The following FOXN3 variants were observed in gnomAD, a reference collection of about 807,000 sequenced individuals.
FOXN3 encodes forkhead box protein N3.
A neutral mutation model predicts 38.4 loss-of-function variants in FOXN3; 7 were observed. That is an observed-to-expected ratio of 0.18 (90% confidence interval 0.10 to 0.34). FOXN3 has a LOEUF of 0.34. Among genes scored for constraint, FOXN3 ranks in the 10% least tolerant of loss-of-function variants. FOXN3 has a pLI of 1.00. For synonymous variants in FOXN3, 230 were observed against 242.2 expected (o/e 0.95, Z 0.47); for missense variants, 456 against 613.4 (o/e 0.74, Z 2.71).
At chr14:89,342,799 G>A (rs1407546717) in intron 3 of FOXN3, among the ~76,000 whole-genome samples, 5 of 152,090 alleles carry the variant, frequency 3.3e-5, no homozygotes, top group Non-Finnish European at 7.4e-5. Context: ...AAAAAGTGCT[G>A]TTTAAACATA....
In FOXN3 at chr14:89,389,862, T is replaced by C. The variant is rs531890226; in HGVS notation, c.543+22072A>G. The stretch of plus-strand genomic sequence containing the variant: ...GCAGAGGGCTGGACTCAAGGAACAA[T>C]AAGGCTCTTTACAACTACAAAATGT... On this transcript the variant is annotated intron_variant, in intron 2 of 5. Coordinates refer to ENST00000557258, the MANE Select transcript of FOXN3 (RefSeq NM_005197.4). 6.6e-5 allele frequency among the ~76,000 whole-genome samples: 10 copies of C among 152,198 alleles called. No homozygotes were observed. In the South Asian group the frequency reaches 1.2e-3, roughly 19 times the overall value.
chr14:89,581,698 A>C (rs1462781596), intron 1 of FOXN3, among the ~76,000 whole-genome samples: 1 of 152,060 alleles, frequency 6.6e-6, no homozygotes, highest in Non-Finnish European at 1.5e-5. Context: ...GCTATCCCAG[A>C]GTTTGGCACA....
At chr14:89,462,895 AG>A (rs1892877172) in intron 1 of FOXN3, among the ~76,000 whole-genome samples, 1 of 148,978 alleles carries the variant, frequency 6.7e-6, no homozygotes, top group Admixed American at 6.7e-5. Flanking sequence ...CATGTTAGCC[AG>A]GATGGTCTCG....
At chr14:89,540,405 AT>A (rs2139847481) in intron 1 of FOXN3, among the ~76,000 whole-genome samples, 1 of 152,306 alleles carries the variant, frequency 6.6e-6, no homozygotes, top group East Asian at 1.9e-4. Flanking sequence ...AAAATCTCGC[AT>A]ATAAAGTTGG....
chr14:89,439,405 C>A (rs986559486), intron 1 of FOXN3, among the ~76,000 whole-genome samples: 2 of 152,132 alleles, frequency 1.3e-5, no homozygotes, highest in African/African-American at 4.8e-5. Flanking sequence ...ATTAAAGAAG[C>A]CGGCCAAAAC....
intron 3 of FOXN3, among the ~76,000 whole-genome samples, chr14:89,311,115 A>AAC (rs1276823029): frequency 6.6e-6 from 1 of 150,962 alleles, no homozygotes; most frequent in African/African-American, 2.4e-5. Context: ...TAAAAAAAAA[A>AAC]AAAAAACCTG....
At chr14:89,173,960 T>C in intron 5 of FOXN3, among the ~76,000 whole-genome samples, 1 of 152,110 alleles carries the variant, frequency 6.6e-6, no homozygotes, top group Non-Finnish European at 1.5e-5. Context: ...GCCACTGCAT[T>C]CTGGTGTGGG....
chr14:89,212,670 G>A (rs779726046), intron 4 of FOXN3, among the ~76,000 whole-genome samples: 5 of 152,120 alleles, frequency 3.3e-5, no homozygotes, highest in Non-Finnish European at 4.4e-5. Flanking sequence ...CCCTCCTTTG[G>A]CCCTTCCAAC....
intron 1 of FOXN3, among the ~76,000 whole-genome samples, chr14:89,414,932 TC>T (rs1321889418): frequency 1.3e-5 from 2 of 152,190 alleles, no homozygotes; most frequent in African/African-American, 4.8e-5. Context: ...CGTCTTGGGT[TC>T]ACTCACAGGG....
chr14:89,594,780 G>A (rs2139931190), intron 1 of FOXN3, among the ~76,000 whole-genome samples: 1 of 152,144 alleles, frequency 6.6e-6, no homozygotes, highest in South Asian at 2.1e-4. Flanking sequence ...CAGCTACTTG[G>A]GAGGCTGGAG....
At position 89,520,295 on chromosome 14, in the gene FOXN3, C is replaced by T. The variant is rs148945440; in HGVS notation, c.-15+98733G>A. The stretch of plus-strand genomic sequence containing the variant: ...ACCCAGGCTGGAGTGCAAGTTGGCG[C>T]GATCACAGCTCGCACTGCAGCCTTG... On this transcript the variant is annotated intron_variant, in intron 1 of 6. Coordinates refer to the FOXN3 transcript ENST00000345097. Among the ~76,000 whole-genome samples the T allele has an allele frequency of 8.0e-3, 1,218 of 152,220 alleles. 18 individuals are homozygous for T. The highest frequency in any genetic ancestry group is 0.023 in the African/African-American group (966 of 41,544).
chr14:89,433,307 C>T (rs141226744), intron 1 of FOXN3, among the ~76,000 whole-genome samples: 26,526 of 152,142 alleles, frequency 0.17, 2,871 homozygotes, highest in Middle Eastern at 0.3. Flanking sequence ...TCTGGTGAAA[C>T]CCCATCTCTA....
chr14:89,311,447 G>C (rs1335789306), intron 3 of FOXN3, among the ~76,000 whole-genome samples: 4 of 142,414 alleles, frequency 2.8e-5, no homozygotes, highest in Admixed American at 7.4e-5. Flanking sequence ...ACTCCAGCCT[G>C]GGCGACAAGG....
At chr14:89,389,673 A>G (rs1890882476) in intron 2 of FOXN3, among the ~76,000 whole-genome samples, 1 of 152,236 alleles carries the variant, frequency 6.6e-6, no homozygotes, top group African/African-American at 2.4e-5. Context: ...CTGGCAGGCC[A>G]CGGTGGGATG....
chr14:89,485,492 C>T (rs1244174568), intron 1 of FOXN3, among the ~76,000 whole-genome samples: 1 of 152,168 alleles, frequency 6.6e-6, no homozygotes, highest in Non-Finnish European at 1.5e-5. Flanking sequence ...CCCTGACAAG[C>T]CCCAAAGGCC....
intron 3 of FOXN3, among the ~76,000 whole-genome samples, chr14:89,333,816 T>C (rs1888341103): frequency 6.9e-6 from 1 of 145,242 alleles, no homozygotes; most frequent in East Asian, 2.0e-4. Flanking sequence ...CTTCTGGGTA[T>C]ATATCCAAAG....
At chr14:89,547,662 A>C (rs1894913327) in intron 1 of FOXN3, among the ~76,000 whole-genome samples, 3 of 152,038 alleles carry the variant, frequency 2.0e-5, no homozygotes, top group Admixed American at 2.0e-4. Context: ...ATTTGTAACC[A>C]ATTATTTGTT....
intron 4 of FOXN3, among the ~76,000 whole-genome samples, chr14:89,235,090 G>A (rs375336083): frequency 5.3e-5 from 8 of 152,166 alleles, no homozygotes; most frequent in Non-Finnish European, 4.4e-5. Flanking sequence ...CCCTGAGAGC[G>A]TGGGCTATTT....
At chr14:89,611,761 G>C (rs936551746) in intron 1 of FOXN3, among the ~76,000 whole-genome samples, 48 of 147,766 alleles carry the variant, frequency 3.2e-4, no homozygotes, top group East Asian at 1.8e-3. Context: ...AGCCGAGATC[G>C]TGCCACTGCA....
Sources: gnomAD v4.1 joint callset for allele counts (sites outside exome capture counted in the v4.1 genomes callset) on GRCh38, gnomAD v4.1.1 for gene constraint, MANE v1.5 for transcripts, NCBI Gene and HGNC (gene_info 2026-07-23, HGNC 2026-07-21) for gene names.